Variants in ADAM12 observed in about 807,000 individuals in gnomAD.
ADAM12 encodes disintegrin and metalloproteinase domain-containing protein 12.
ADAM12 carries 70 observed loss-of-function variants against 106.4 expected under a neutral mutation model. The ratio of observed to expected loss-of-function variants is 0.66; its 90% confidence interval spans 0.54 to 0.80. The LOEUF is 0.80. Among genes scored for constraint, ADAM12 ranks in the 30% least tolerant of loss-of-function variants. ADAM12 has a pLI of 0.00. For missense variants in ADAM12, 1,010 were observed against 1,171.9 expected, an observed-to-expected ratio of 0.86 and a Z score of 2.02; for synonymous variants, 420 against 433.5, an observed-to-expected ratio of 0.97 and a Z score of 0.39.
rs1236573179 is a variant in ADAM12 at position 126,098,407 on chromosome 10, T to C, written c.996+9A>G. The C allele has an allele frequency of 1.6e-5, 25 of 1,612,698 alleles. No individual in the cohort carries two copies. The highest frequency in any genetic ancestry group is 2.1e-5 in the Non-Finnish European group (25 of 1,178,802). On this transcript the variant is annotated intron_variant, in intron 10 of 22. Transcript: ENST00000448723. ...CAAGGGGAACCAGCTCCCAATGCCC[T>C]TGGCTTACCATGACAATTCCCCCAG... is the stretch of plus-strand genomic sequence containing the variant.
intron 3 of ADAM12, among the ~76,000 whole-genome samples, chr10:126,218,188 G>A (rs924165168): frequency 2.0e-5 from 3 of 151,586 alleles, no homozygotes; most frequent in Non-Finnish European, 4.4e-5. Flanking sequence ...GTGTGGGGGG[G>A]CAGGGGGTGG....
chr10:126,041,901 A>G (rs985953619), intron 18 of ADAM12: 33 of 1,405,962 alleles, frequency 2.3e-5, no homozygotes, highest in African/African-American at 1.2e-4. Context: ...AAGCATGTCC[A>G]TGTTTTAGCA....
At chr10:126,229,004 C>A (rs1268759142) in intron 3 of ADAM12, among the ~76,000 whole-genome samples, 1 of 152,168 alleles carries the variant, frequency 6.6e-6, no homozygotes, top group Non-Finnish European at 1.5e-5. Flanking sequence ...AATCCAATAC[C>A]TTTTTGTGGT....
intron 1 of ADAM12, among the ~76,000 whole-genome samples, chr10:126,365,029 C>T (rs1855862790): frequency 6.6e-6 from 1 of 152,152 alleles, no homozygotes; most frequent in Non-Finnish European, 1.5e-5. Flanking sequence ...CTACAGCACA[C>T]TCATTCTGGT....
In ADAM12 at chr10:126,016,965, AT is replaced by A. The variant is rs1440054189; in HGVS notation, c.*313del. 5.8e-5 allele frequency: 14 copies of A among 241,888 alleles called. No individual in the cohort carries two copies. Among genetic ancestry groups the A allele is most frequent in the Non-Finnish European group, 9.5e-5 (12 of 126,386 alleles). 15.0% of individuals were successfully genotyped at this position (241,888 alleles called of 1,614,324 possible). A position where few individuals can be genotyped will look rare whatever the true frequency, so the allele number is the denominator to read the frequency against. On this transcript the variant is annotated 3_prime_UTR_variant, in exon 23 of 23. Transcript: ENST00000448723. ...TGTCCAGAATCCCATCAAGCAGGAT[AT>A]TTCAAGTTCACTAAAATACTAAAAG...
At chr10:126,144,787 G>A (rs1340502599) in intron 4 of ADAM12, among the ~76,000 whole-genome samples, 6 of 152,184 alleles carry the variant, frequency 3.9e-5, no homozygotes, top group Non-Finnish European at 7.3e-5. Flanking sequence ...GGGAAGAACT[G>A]CTGTGAAATG....
At chr10:126,244,601 T>C (rs949815388) in intron 3 of ADAM12, among the ~76,000 whole-genome samples, 1 of 152,216 alleles carries the variant, frequency 6.6e-6, no homozygotes, top group African/African-American at 2.4e-5. Flanking sequence ...TAAAATCTAA[T>C]TCAATCAGTA....
At chr10:126,220,385 C>T (rs918957486) in intron 3 of ADAM12, among the ~76,000 whole-genome samples, 4 of 152,134 alleles carry the variant, frequency 2.6e-5, no homozygotes, top group African/African-American at 9.7e-5. Context: ...CTTATTAGCC[C>T]TCACCCTTAA....
At position 126,101,142 on chromosome 10, in the gene ADAM12, G is replaced by A; in HGVS notation, c.841C>T (p.His281Tyr). 1 of 1,614,076 alleles carries A rather than the reference G, an allele frequency of 6.2e-7. No homozygotes were observed. Among genetic ancestry groups the A allele is most frequent in the Non-Finnish European group, 8.5e-7 (1 of 1,179,964 alleles). Residue 281 changes from histidine (H) to tyrosine (Y), a missense_variant, in exon 9 of 23, where the codon CAT (histidine) becomes TAT (tyrosine). Transcript: ENST00000448723. ...ATCTTCCTCCAGTCCAGAAATTCAT[G>A]GAGGCTGGTGAATGGGTCCTGACTT... Reference protein sequence around the residue: ...SVSQDPFTSLHEFLDWRKMKL... With the variant: ...SVSQDPFTSLYEFLDWRKMKL...
chr10:126,315,131 T>C (rs963241783), intron 2 of ADAM12, among the ~76,000 whole-genome samples: 17 of 152,208 alleles, frequency 1.1e-4, no homozygotes, highest in African/African-American at 4.1e-4. Context: ...ATGAGCATGA[T>C]AGGTCAATTC....
At chr10:126,214,879 A>G (rs573073321) in intron 3 of ADAM12, among the ~76,000 whole-genome samples, 1 of 152,242 alleles carries the variant, frequency 6.6e-6, no homozygotes, top group East Asian at 1.9e-4. Context: ...CTGGATTAGG[A>G]TGCCACTCGG....
chr10:126,269,433 T>C (rs1959163930), intron 3 of ADAM12, among the ~76,000 whole-genome samples: 1 of 152,174 alleles, frequency 6.6e-6, no homozygotes, highest in African/African-American at 2.4e-5. Context: ...AGTTTTATTG[T>C]CATAAGCAAT....
Position 126,049,988 on chromosome 10 carries a change from G to GTGGC in ADAM12, c.1610-323_1610-320dup, listed in dbSNP as rs60411537. On this transcript the variant is annotated intron_variant, in intron 14 of 22. Coordinates refer to ENST00000448723, the MANE Select transcript of ADAM12 (RefSeq NM_001288973.2). The surrounding 1 kb of genome is among the most constrained non-coding windows in gnomAD (Gnocchi z 4.4). ...AGATCTGATCCAGGGCAGAAAGGAG[G>GTGGC]TGGCTGGCTGGCTGGCTGGCTGGCT... Among the ~76,000 whole-genome samples the GTGGC allele has an allele frequency of 0.2, 30,367 of 149,612 alleles. 3,921 individuals are homozygous for GTGGC. The highest frequency in any genetic ancestry group is 0.29 in the Non-Finnish European group (19,774 of 67,176).
At chr10:126,110,179 C>A (rs1271109589) in intron 6 of ADAM12, among the ~76,000 whole-genome samples, 1 of 152,076 alleles carries the variant, frequency 6.6e-6, no homozygotes, top group Non-Finnish European at 1.5e-5. Flanking sequence ...AGAACAGGAG[C>A]CAGTCAAAAG....
chr10:126,203,313 A>G (rs533673309), intron 3 of ADAM12, among the ~76,000 whole-genome samples: 1 of 152,288 alleles, frequency 6.6e-6, no homozygotes, highest in African/African-American at 2.4e-5. Context: ...ACCAACACCT[A>G]TTGGAAAGAA....
intron 9 of ADAM12, among the ~76,000 whole-genome samples, chr10:126,100,064 T>C (rs1342756904): frequency 6.6e-6 from 1 of 152,186 alleles, no homozygotes; most frequent in African/African-American, 2.4e-5. Flanking sequence ...GTTTATCATC[T>C]TCCAGTTGAT....
chr10:126,030,259 T>TG (rs149845593), intron 21 of ADAM12, among the ~76,000 whole-genome samples: 2,301 of 152,324 alleles, frequency 0.015, 62 homozygotes, highest in African/African-American at 0.052. Context: ...AGTTGAGTGA[T>TG]GGGTAGATAG....
intron 3 of ADAM12, among the ~76,000 whole-genome samples, chr10:126,182,445 T>G (rs1426599886): frequency 6.6e-6 from 1 of 152,250 alleles, no homozygotes; most frequent in African/African-American, 2.4e-5. Context: ...ATTTTTCTTC[T>G]GGATGTGTTC....
At chr10:126,299,919 C>G (rs1185461500) in intron 2 of ADAM12, among the ~76,000 whole-genome samples, 1 of 152,196 alleles carries the variant, frequency 6.6e-6, no homozygotes, top group Non-Finnish European at 1.5e-5. Flanking sequence ...GCTGGGATTA[C>G]AGGGGTGAGC....
Sources: allele counts gnomAD v4.1 joint callset (sites outside exome capture counted in the v4.1 genomes callset), GRCh38; gene constraint gnomAD v4.1.1; non-coding constraint Gnocchi (gnomAD v3.1); transcripts MANE v1.5; gene names NCBI Gene and HGNC (gene_info 2026-07-23, HGNC 2026-07-21).